Variants in HS6ST3 observed in about 807,000 individuals in gnomAD.
HS6ST3 encodes the protein heparan sulfate 6-O-sulfotransferase 3, also known as heparan-sulfate 6-O-sulfotransferase 3.
Under a neutral mutation model 36.7 loss-of-function variants are expected in HS6ST3, and 12 were observed. That is an observed-to-expected ratio of 0.33 (90% CI 0.21 to 0.53). The LOEUF is 0.53. Among genes scored for constraint, HS6ST3 ranks in the 20% least tolerant of loss-of-function variants. The pLI is 0.95. For missense variants in HS6ST3, 584 were observed against 640.9 expected (o/e 0.91, Z 0.96); for synonymous variants, 240 against 257.5 (o/e 0.93, Z 0.65).
At chr13:96,498,604 A>C (rs1282742973) in intron 1 of HS6ST3, among the ~76,000 whole-genome samples, 2 of 152,198 alleles carry the variant, frequency 1.3e-5, no homozygotes, top group Non-Finnish European at 2.9e-5. Flanking sequence ...TTTTCTTATG[A>C]GTTCATTGTT....
chr13:96,327,995 G>A (rs1261255798), intron 1 of HS6ST3, among the ~76,000 whole-genome samples: 1 of 144,756 alleles, frequency 6.9e-6, no homozygotes, highest in Non-Finnish European at 1.5e-5. Context: ...TGTTGTTGGT[G>A]TATAAGAATG....
At chr13:96,706,605 G>A (rs1195246579) in intron 1 of HS6ST3, among the ~76,000 whole-genome samples, 3 of 151,518 alleles carry the variant, frequency 2.0e-5, no homozygotes, top group African/African-American at 4.9e-5. Context: ...TGTTGAGAGG[G>A]TACCTATGAG....
At chr13:96,562,926 T>G (rs2056267663) in intron 1 of HS6ST3, among the ~76,000 whole-genome samples, 1 of 151,456 alleles carries the variant, frequency 6.6e-6, no homozygotes, top group Admixed American at 6.6e-5. Flanking sequence ...CAGCAAATGC[T>G]GAGATGAGGG....
intron 1 of HS6ST3, among the ~76,000 whole-genome samples, chr13:96,831,977 A>AAAAC (rs1555326627): frequency 0.018 from 2,097 of 116,034 alleles, 263 homozygotes; most frequent in East Asian, 0.039. Context: ...AAAAAAAAAA[A>AAAAC]AAACAGAGAT....
intron 1 of HS6ST3, among the ~76,000 whole-genome samples, chr13:96,604,057 G>T (rs1001607934): frequency 4.6e-5 from 7 of 152,208 alleles, no homozygotes; most frequent in African/African-American, 1.7e-4. Flanking sequence ...ATGAATGCTT[G>T]CTTACTGTGC....
chr13:96,628,827 A>G (rs2056521993), intron 1 of HS6ST3, among the ~76,000 whole-genome samples: 1 of 149,610 alleles, frequency 6.7e-6, no homozygotes, highest in East Asian at 2.0e-4. Flanking sequence ...GTGTGTGTGC[A>G]TGTGTGTGTG....
chr13:96,529,214 TA>T (rs2056126186), intron 1 of HS6ST3, among the ~76,000 whole-genome samples: 1 of 152,112 alleles, frequency 6.6e-6, no homozygotes, highest in Non-Finnish European at 1.5e-5. Context: ...ATTCTAAGTA[TA>T]ATGGAATAGC....
intron 1 of HS6ST3, among the ~76,000 whole-genome samples, chr13:96,422,160 C>T (rs1199431344): frequency 6.6e-6 from 1 of 152,152 alleles, no homozygotes; most frequent in African/African-American, 2.4e-5. Context: ...CCAGTAAGAG[C>T]GATGGCAGTC....
At chr13:96,494,607 A>T (rs975977650) in intron 1 of HS6ST3, among the ~76,000 whole-genome samples, 3 of 151,986 alleles carry the variant, frequency 2.0e-5, no homozygotes, top group African/African-American at 7.2e-5. Flanking sequence ...GGGTCCAGGA[A>T]TGTGTACTTT....
At chr13:96,207,282 A>G (rs1298685178) in intron 1 of HS6ST3, among the ~76,000 whole-genome samples, 2 of 152,162 alleles carry the variant, frequency 1.3e-5, no homozygotes, top group Admixed American at 6.6e-5. Context: ...CAGAACAGCT[A>G]TTATTAAAAA....
At chr13:96,690,117 G>C (rs1038789003) in intron 1 of HS6ST3, among the ~76,000 whole-genome samples, 1 of 152,052 alleles carries the variant, frequency 6.6e-6, no homozygotes, top group Admixed American at 6.6e-5. Context: ...TTACAAGGGG[G>C]TTTTATACCA....
intron 1 of HS6ST3, among the ~76,000 whole-genome samples, chr13:96,404,591 A>G (rs1333840568): frequency 6.6e-6 from 1 of 152,196 alleles, no homozygotes; most frequent in Non-Finnish European, 1.5e-5. Flanking sequence ...GCGATATAGG[A>G]AGGAAAGTTT....
chr13:96,243,897 A>T (rs1208436739), intron 1 of HS6ST3, among the ~76,000 whole-genome samples: 2 of 131,066 alleles, frequency 1.5e-5, no homozygotes, highest in Non-Finnish European at 1.6e-5. Context: ...TTCTTTTTTG[A>T]GGGGGTGGGG....
intron 1 of HS6ST3, among the ~76,000 whole-genome samples, chr13:96,290,860 C>T (rs2054826360): frequency 6.6e-6 from 1 of 152,168 alleles, no homozygotes; most frequent in African/African-American, 2.4e-5. Flanking sequence ...CCACCATGTG[C>T]CTCCTACCTC....
At chr13:96,514,893 G>T (rs2056065971) in intron 1 of HS6ST3, among the ~76,000 whole-genome samples, 1 of 152,210 alleles carries the variant, frequency 6.6e-6, no homozygotes, top group Admixed American at 6.5e-5. Flanking sequence ...TTGTCTGGTA[G>T]CAAGCAGTTC....
At chr13:96,675,305 A>T (rs1429689732) in intron 1 of HS6ST3, among the ~76,000 whole-genome samples, 1 of 152,064 alleles carries the variant, frequency 6.6e-6, no homozygotes, top group Non-Finnish European at 1.5e-5. Flanking sequence ...ATGAATATAT[A>T]TATGTGACAT....
chr13:96,112,599 A>ATATATATG (rs1594680350), intron 1 of HS6ST3, among the ~76,000 whole-genome samples: 1 of 114,122 alleles, frequency 8.8e-6, no homozygotes, highest in East Asian at 2.8e-4. Flanking sequence ...ATATATATAT[A>ATATATATG]TATATATATA....
At chr13:96,098,492 CT>C (rs2053802209) in intron 1 of HS6ST3, among the ~76,000 whole-genome samples, 1 of 151,984 alleles carries the variant, frequency 6.6e-6, no homozygotes, top group Non-Finnish European at 1.5e-5. Context: ...CATGCAAGTG[CT>C]TGATTTGTGA....
At chr13:96,696,931 A>G (rs1455584345) in intron 1 of HS6ST3, among the ~76,000 whole-genome samples, 2 of 152,178 alleles carry the variant, frequency 1.3e-5, no homozygotes, top group African/African-American at 4.8e-5. Context: ...CTGTTTTCTC[A>G]TTCTTAAATA....
Sources: gnomAD v4.1 joint callset for allele counts (sites outside exome capture counted in the v4.1 genomes callset) on GRCh38, gnomAD v4.1.1 for gene constraint, MANE v1.5 for transcripts, NCBI Gene and HGNC (gene_info 2026-07-23, HGNC 2026-07-21) for gene names.